ZNF655: variants seen among roughly 807,000 people sequenced by gnomAD.
The protein encoded by ZNF655 is Vav-interacting Kruppel-like protein 1.
A neutral mutation model predicts 6.6 loss-of-function variants in ZNF655; 3 were observed. The ratio of observed to expected loss-of-function variants is 0.46; its 90% CI spans 0.21 to 1.18. The LOEUF (loss-of-function observed/expected upper bound fraction) is 1.18. Ranked by LOEUF, ZNF655 falls within the 50% of genes most tolerant of loss-of-function variation. ZNF655 has a pLI of 0.24. For synonymous variants in ZNF655, 178 were observed against 195.0 expected (o/e 0.91, Z 0.73); for missense variants, 526 against 572.3 (o/e 0.92, Z 0.83).
At chr7:99,559,695 A>T (rs1802933899) in intron 1 of ZNF655, among the ~76,000 whole-genome samples, 1 of 151,988 alleles carries the variant, frequency 6.6e-6, no homozygotes. Context: ...TGGCGCAGTC[A>T]TAGCTCACTG....
intron 2 of ZNF655, among the ~76,000 whole-genome samples, chr7:99,564,932 G>A (rs1479791653): frequency 6.6e-6 from 1 of 152,116 alleles, no homozygotes; most frequent in East Asian, 1.9e-4. Flanking sequence ...CATCTCCTTA[G>A]CAGTTATTTT....
At chr7:99,564,517 C>G (rs557629071) in intron 2 of ZNF655, 2 of 985,978 alleles carry the variant, frequency 2.0e-6, no homozygotes, top group African/African-American at 1.7e-5. Flanking sequence ...AATTATATTG[C>G]CTTTCCTGAT....
chr7:99,570,637 A>G (rs545718880), intron 2 of ZNF655: 6 of 152,360 alleles, frequency 3.9e-5, no homozygotes, highest in Non-Finnish European at 8.8e-5. Flanking sequence ...TTATAAATCA[A>G]GTATGAATGA....
At position 99,575,214 on chromosome 7, in the gene ZNF655, C is replaced by G. The variant is rs1804328547; in HGVS notation, c.*1630C>G. 1 of 152,570 alleles carries G rather than the reference C, an allele frequency of 6.6e-6. No homozygotes were observed. Among genetic ancestry groups the G allele is most frequent in the Non-Finnish European group, 1.5e-5 (1 of 68,064 alleles). 9.5% of individuals were successfully genotyped at this position (152,570 alleles called of 1,614,324 possible). On this transcript the variant is annotated 3_prime_UTR_variant, in exon 3 of 3. Transcript: ENST00000252713. ...ATATACCTCTACGGCCAGCAAAATG[C>G]TCAGGTCTGCTCTTGGTAGGGTAAA...
intron 2 of ZNF655, among the ~76,000 whole-genome samples, chr7:99,565,712 G>A (rs957450652): frequency 6.6e-6 from 1 of 152,150 alleles, no homozygotes; most frequent in Non-Finnish European, 1.5e-5. Flanking sequence ...ACCCATAAAG[G>A]GGACCGAGTT....
Position 99,572,699 on chromosome 7 carries a change from C to G in ZNF655, c.591C>G (p.Ser197=). 2 of 1,613,382 alleles carry G rather than the reference C, an allele frequency of 1.2e-6. No individual in the cohort carries two copies. The highest frequency in any genetic ancestry group is 1.7e-6 in the Non-Finnish European group (2 of 1,179,926). The part of the protein sequence containing the change: ...SECKESLMDL[S]HLNKWESIPN... ...GTAAGGAAAGCTTAATGGATCTCTC[C>G]CACCTTAATAAATGGGAGAGCATCC... Residue 197 remains serine, a synonymous_variant, in exon 3 of 3, where the codon TCC becomes TCG. Transcript: ENST00000252713.
intron 2 of ZNF655, among the ~76,000 whole-genome samples, chr7:99,563,523 G>A (rs1296299892): frequency 6.6e-6 from 1 of 151,960 alleles, no homozygotes; most frequent in Non-Finnish European, 1.5e-5. Context: ...TCACCATGCT[G>A]GTCAGGCTGA....
intron 2 of ZNF655, among the ~76,000 whole-genome samples, chr7:99,566,019 A>ATGTGTG (rs995934518): frequency 1.5e-5 from 2 of 136,960 alleles, no homozygotes; most frequent in African/African-American, 6.2e-5. Context: ...TAGGACATTT[A>ATGTGTG]TATGTGTGTG....
intron 2 of ZNF655, chr7:99,564,050 A>G (rs1166673023): frequency 1.9e-6 from 3 of 1,605,818 alleles, no homozygotes; most frequent in African/African-American, 2.7e-5. Flanking sequence ...CTCCTTTTCC[A>G]CGATTGTGAG....
chr7:99,564,332 C>T (rs779189269), intron 2 of ZNF655: 501 of 1,162,606 alleles, frequency 4.3e-4, no homozygotes, highest in Middle Eastern at 7.1e-4. Context: ...GCTGTGTGCC[C>T]CTCCTTTTAT....
chr7:99,564,234 C>G, intron 2 of ZNF655: 2 of 1,361,968 alleles, frequency 1.5e-6, no homozygotes, highest in Non-Finnish European at 1.9e-6. Flanking sequence ...TGGTGGTCAT[C>G]ATCTACTTGT....
chr7:99,567,176 A>C (rs1803694562), intron 2 of ZNF655, among the ~76,000 whole-genome samples: 1 of 152,212 alleles, frequency 6.6e-6, no homozygotes, highest in Admixed American at 6.5e-5. Flanking sequence ...TCCAGCCTTA[A>C]AATCAAAAGG....
At chr7:99,560,023 C>T (rs1233549108) in intron 1 of ZNF655, among the ~76,000 whole-genome samples, 2 of 151,488 alleles carry the variant, frequency 1.3e-5, no homozygotes, top group East Asian at 1.9e-4. Context: ...ATTAGAGACT[C>T]TTCTATGATT....
At chr7:99,570,329 T>C (rs1371063786) in intron 2 of ZNF655, 1 of 152,212 alleles carries the variant, frequency 6.6e-6, no homozygotes, top group African/African-American at 2.4e-5. Context: ...TGGACCTTAA[T>C]TAAATATATG....
chr7:99,570,083 A>G (rs1387475565), intron 2 of ZNF655: 1 of 152,202 alleles, frequency 6.6e-6, no homozygotes, highest in Non-Finnish European at 1.5e-5. Flanking sequence ...TCTAAAATCA[A>G]ACCCCTCATC....
chr7:99,566,691 G>T (rs1481253634), intron 2 of ZNF655, among the ~76,000 whole-genome samples: 1 of 152,104 alleles, frequency 6.6e-6, no homozygotes, highest in East Asian at 1.9e-4. Flanking sequence ...CTTCTGGGTA[G>T]CTGGGACTAT....
Position 99,572,367 on chromosome 7 carries a change from AGAG to A in ZNF655, c.260_262del (p.Arg87_Glu88delinsLys). ...CGATATTACCCAAGTTCCTGAGACT[AGAG>A]AAGTGTATAAGTCTGAGGACAGATT... On this transcript the variant is annotated inframe_deletion, in exon 3 of 3. Transcript: ENST00000252713. 1 of 1,613,966 alleles carries A rather than the reference AGAG, an allele frequency of 6.2e-7. No individual in the cohort carries two copies.
At chr7:99,572,164 T>C in intron 2 of ZNF655, 81 bp from the exon 3 acceptor site, 1 of 1,419,052 alleles carries the variant, frequency 7.0e-7, no homozygotes, top group Non-Finnish European at 9.4e-7. Flanking sequence ...ACTACATTGT[T>C]TAGTTTTCTC....
At chr7:99,560,088 CTTTTTTTTT>C (rs201559591) in intron 1 of ZNF655, among the ~76,000 whole-genome samples, 6 of 136,882 alleles carry the variant, frequency 4.4e-5, no homozygotes, top group Non-Finnish European at 7.9e-5. Flanking sequence ...TCTTTTTTTT[CTTTTTTTTT>C]TTTTTGGGAC....
Sources: allele counts gnomAD v4.1 joint callset (sites outside exome capture counted in the v4.1 genomes callset), GRCh38; gene constraint gnomAD v4.1.1; transcripts MANE v1.5; gene names NCBI Gene and HGNC (gene_info 2026-07-23, HGNC 2026-07-21).